PTPRT: variants seen among roughly 807,000 people sequenced by gnomAD.
PTPRT encodes the protein protein tyrosine phosphatase receptor type T, also known as receptor-type tyrosine-protein phosphatase T.
In PTPRT, 56 loss-of-function variants were observed where a neutral mutation model predicts 176.8. The ratio of observed to expected loss-of-function variants is 0.32; its 90% CI spans 0.26 to 0.40. PTPRT has a LOEUF of 0.40. PTPRT is among the 10% of genes least tolerant of loss of function. PTPRT has a pLI of 1.00. For synonymous variants in PTPRT, 783 were observed against 739.0 expected (o/e 1.06, Z -0.96); for missense variants, 1,540 against 1,908.2 (o/e 0.81, Z 3.60).
At chr20:42,620,607 G>A (rs1243724139) in intron 7 of PTPRT, among the ~76,000 whole-genome samples, 1 of 152,160 alleles carries the variant, frequency 6.6e-6, no homozygotes, top group African/African-American at 2.4e-5. Flanking sequence ...CGTGGGCGTA[G>A]GACCCTCCGA....
At chr20:42,649,949 C>T (rs189847449) in intron 7 of PTPRT, among the ~76,000 whole-genome samples, 5 of 152,258 alleles carry the variant, frequency 3.3e-5, no homozygotes, top group East Asian at 3.9e-4. Flanking sequence ...TAAGAGCCTG[C>T]TCCAACTGTG....
At chr20:42,362,731 C>A (rs1426777143) in intron 9 of PTPRT, among the ~76,000 whole-genome samples, 3 of 152,116 alleles carry the variant, frequency 2.0e-5, no homozygotes, top group Non-Finnish European at 4.4e-5. Flanking sequence ...AAGATGCTAA[C>A]ATAAGGGGAA....
At chr20:42,879,145 A>C (rs780319240) in intron 2 of PTPRT, among the ~76,000 whole-genome samples, 5 of 152,164 alleles carry the variant, frequency 3.3e-5, no homozygotes, top group Non-Finnish European at 7.4e-5. Context: ...TGTGTAATTG[A>C]CCTGGTTTTA....
At chr20:42,746,078 CA>C (rs2076686542) in intron 6 of PTPRT, among the ~76,000 whole-genome samples, 1 of 152,162 alleles carries the variant, frequency 6.6e-6, no homozygotes, top group African/African-American at 2.4e-5. Flanking sequence ...ATTTAATTTC[CA>C]AATGCGTTAA....
chr20:42,934,350 AAAG>A (rs1255189880), intron 1 of PTPRT, among the ~76,000 whole-genome samples: 35 of 152,256 alleles, frequency 2.3e-4, no homozygotes, highest in African/African-American at 7.7e-4. Context: ...AAACAAAGAA[AAAG>A]AAGTCTAATG....
At chr20:42,363,295 TATA>T (rs1489240795) in intron 9 of PTPRT, among the ~76,000 whole-genome samples, 8 of 27,124 alleles carry the variant, frequency 2.9e-4, no homozygotes, top group African/African-American at 1.6e-3. Flanking sequence ...TATATATATA[TATA>T]TATTTTTTTT....
At chr20:42,406,939 T>C (rs1031894792) in intron 9 of PTPRT, among the ~76,000 whole-genome samples, 2 of 152,190 alleles carry the variant, frequency 1.3e-5, no homozygotes, top group African/African-American at 4.8e-5. Context: ...TTTCCCTTCT[T>C]CTGGTGACTG....
chr20:43,087,891 AG>A (rs1350925096), intron 1 of PTPRT, among the ~76,000 whole-genome samples: 2 of 152,176 alleles, frequency 1.3e-5, no homozygotes, highest in Non-Finnish European at 2.9e-5. Context: ...AAGGCTGGGA[AG>A]GGGAAGAATG....
intron 2 of PTPRT, among the ~76,000 whole-genome samples, chr20:42,856,710 C>T (rs539507763): frequency 2.0e-5 from 3 of 151,928 alleles, no homozygotes; most frequent in South Asian, 4.2e-4. Flanking sequence ...AATGCATATA[C>T]TATTAGGGCT....
intron 5 of PTPRT, among the ~76,000 whole-genome samples, chr20:42,760,536 C>T (rs6072858): frequency 0.2 from 30,050 of 151,836 alleles, 3,361 homozygotes; most frequent in African/African-American, 0.31. Context: ...CGTAGCTGAG[C>T]TTGATAAACA....
chr20:42,039,645 A>G, the PTPRT span, among the ~76,000 whole-genome samples: 8 of 141,918 alleles, frequency 5.6e-5, no homozygotes, highest in East Asian at 1.6e-3. Flanking sequence ...TGTTATTTCA[A>G]ATGATGAGAT....
chr20:42,427,458 C>T (rs2059175100), intron 9 of PTPRT, among the ~76,000 whole-genome samples: 1 of 152,176 alleles, frequency 6.6e-6, no homozygotes, highest in Non-Finnish European at 1.5e-5. Flanking sequence ...AATCCACGAT[C>T]AAGGTGCCTG....
At chr20:43,172,420 TGG>T (rs2015023959) in intron 1 of PTPRT, among the ~76,000 whole-genome samples, 2 of 152,224 alleles carry the variant, frequency 1.3e-5, no homozygotes. Context: ...ATACAGCTTG[TGG>T]GCCTGGGATG....
intron 2 of PTPRT, among the ~76,000 whole-genome samples, chr20:42,808,174 C>G (rs11699773): frequency 0.097 from 14,776 of 152,234 alleles, 766 homozygotes; most frequent in South Asian, 0.2. Context: ...AGGTCTGCGT[C>G]AACTCACTTC....
intron 6 of PTPRT, among the ~76,000 whole-genome samples, chr20:42,691,841 C>T (rs1207086748): frequency 6.6e-6 from 1 of 152,162 alleles, no homozygotes; most frequent in Non-Finnish European, 1.5e-5. Flanking sequence ...TGGCTTCATG[C>T]TGTTGTCTAC....
intron 1 of PTPRT, among the ~76,000 whole-genome samples, chr20:42,894,106 GA>G (rs2079249209): frequency 6.6e-6 from 1 of 152,102 alleles, no homozygotes; most frequent in African/African-American, 2.4e-5. Context: ...CTGAATCCGA[GA>G]AAGAAGGGAA....
intron 1 of PTPRT, among the ~76,000 whole-genome samples, chr20:43,065,746 C>T (rs984844773): frequency 6.6e-6 from 1 of 152,124 alleles, no homozygotes; most frequent in African/African-American, 2.4e-5. Flanking sequence ...TGAAAGAGAC[C>T]AGGAAAGGTC....
chr20:43,180,134 G>T (rs1035624838), intron 1 of PTPRT, among the ~76,000 whole-genome samples: 1 of 152,172 alleles, frequency 6.6e-6, no homozygotes, highest in Non-Finnish European at 1.5e-5. Context: ...CTTGGCTTGA[G>T]CTGGGACATC....
At chr20:42,977,185 T>C (rs1983004078) in intron 1 of PTPRT, among the ~76,000 whole-genome samples, 1 of 152,218 alleles carries the variant, frequency 6.6e-6, no homozygotes, top group Non-Finnish European at 1.5e-5. Context: ...ATGGAGGATC[T>C]AGCATTATAT....
Sources: allele counts gnomAD v4.1 joint callset (sites outside exome capture counted in the v4.1 genomes callset), GRCh38; gene constraint gnomAD v4.1.1; transcripts MANE v1.5; gene names NCBI Gene and HGNC (gene_info 2026-07-23, HGNC 2026-07-21).